Variants in KIAA1217 observed in about 807,000 individuals in gnomAD.
KIAA1217 encodes sickle tail protein homolog.
Under a neutral mutation model 163.9 loss-of-function variants are expected in KIAA1217, and 88 were observed. The observed-to-expected ratio is 0.54, with a 90% CI of 0.45 to 0.64. The LOEUF is 0.64. Ranked by LOEUF, KIAA1217 falls within the 30% of genes least tolerant of loss-of-function variation. The probability of loss-of-function intolerance (pLI) is 0.00; values close to 1 mark genes in which losing one functional copy is unlikely to be tolerated. For synonymous variants in KIAA1217, 903 were observed against 923.1 expected, an observed-to-expected ratio of 0.98 and a Z score of 0.39; for missense variants, 2,372 against 2,475.0, an observed-to-expected ratio of 0.96 and a Z score of 0.88.
intron 1 of KIAA1217, among the ~76,000 whole-genome samples, chr10:24,213,761 G>A (rs1442685170): frequency 6.6e-6 from 1 of 152,114 alleles, no homozygotes; most frequent in African/African-American, 2.4e-5. Context: ...TCTCTATTTT[G>A]TCTAAGATCT....
intron 2 of KIAA1217, among the ~76,000 whole-genome samples, chr10:24,361,906 C>T (rs948215659): frequency 1.2e-4 from 17 of 143,192 alleles, no homozygotes; most frequent in African/African-American, 3.9e-4. Context: ...ACCAGGGAGG[C>T]GGAGCTTGCA....
At chr10:23,702,718 G>A (rs1836551288) in intron 1 of KIAA1217, among the ~76,000 whole-genome samples, 2 of 146,432 alleles carry the variant, frequency 1.4e-5, no homozygotes, top group South Asian at 2.2e-4. Context: ...CAAATATATT[G>A]TATTTTGTTG....
chr10:24,197,472 G>T (rs1271203809), intron 2 of KIAA1217, among the ~76,000 whole-genome samples: 4 of 152,246 alleles, frequency 2.6e-5, no homozygotes, highest in African/African-American at 2.4e-5. Flanking sequence ...TTTGGAAATA[G>T]TTGGGTTGGG....
intron 1 of KIAA1217, among the ~76,000 whole-genome samples, chr10:23,783,504 G>T (rs1835353318): frequency 6.6e-6 from 1 of 152,134 alleles, no homozygotes; most frequent in South Asian, 2.1e-4. Context: ...ATTTATAAGA[G>T]ATATTGACTT....
chr10:24,099,217 G>C (rs576356087), intron 2 of KIAA1217, among the ~76,000 whole-genome samples: 1 of 150,760 alleles, frequency 6.6e-6, no homozygotes, highest in East Asian at 2.0e-4. Flanking sequence ...TAAGTTCTAG[G>C]GTACATGTGC....
chr10:24,318,975 G>A (rs1010256276), intron 2 of KIAA1217, among the ~76,000 whole-genome samples: 2 of 152,216 alleles, frequency 1.3e-5, no homozygotes, highest in Admixed American at 6.5e-5. Flanking sequence ...GGAGCTGCAG[G>A]TAGAGTGGCA....
chr10:24,067,721 T>C (rs896865800), intron 2 of KIAA1217, among the ~76,000 whole-genome samples: 35 of 152,224 alleles, frequency 2.3e-4, no homozygotes, highest in Non-Finnish European at 3.8e-4. Flanking sequence ...CTTTTGTTTG[T>C]CTGTGCCCTG....
intron 2 of KIAA1217, among the ~76,000 whole-genome samples, chr10:24,328,183 A>T (rs2133461082): frequency 6.6e-6 from 1 of 152,302 alleles, no homozygotes; most frequent in African/African-American, 2.4e-5. Context: ...AGCCAAGGAG[A>T]TGGGAGATCA....
At chr10:24,212,348 T>A (rs2068248355) in intron 1 of KIAA1217, among the ~76,000 whole-genome samples, 1 of 152,082 alleles carries the variant, frequency 6.6e-6, no homozygotes, top group African/African-American at 2.4e-5. Context: ...TTTTGATAGA[T>A]TAGGATTGAG....
intron 10 of KIAA1217, 74 bp from the exon 11 acceptor site, chr10:24,520,049 G>A (rs1187064156): frequency 4.7e-6 from 7 of 1,503,290 alleles, no homozygotes; most frequent in Non-Finnish European, 6.3e-6. Flanking sequence ...AGGCTGAGAC[G>A]GGCACTCGGC....
At position 24,045,821 on chromosome 10, in the gene KIAA1217, T is replaced by G. The variant is rs553642932; in HGVS notation, c.-171+38447T>G. 2.6e-4 allele frequency among the ~76,000 whole-genome samples: 40 copies of G among 152,286 alleles called. No homozygotes were observed. The South Asian group carries it at 8.3e-3, about 32-fold the overall frequency. ...CAGTGTGATACTGGTGTGTTTTTAT[T>G]CTGAACCAATGGTCTCAATTGAGCC... On this transcript the variant is annotated intron_variant, in intron 2 of 18. Coordinates refer to the KIAA1217 transcript ENST00000376462.
intron 2 of KIAA1217, among the ~76,000 whole-genome samples, chr10:24,298,824 AAAAT>A (rs1235878018): frequency 6.6e-6 from 1 of 152,090 alleles, no homozygotes; most frequent in Non-Finnish European, 1.5e-5. Flanking sequence ...TAAATAAAAT[AAAAT>A]AAATAGTAAG....
At chr10:24,501,260 T>A (rs2067545662) in intron 8 of KIAA1217, 119 bp from the exon 9 acceptor site, 1 of 824,820 alleles carries the variant, frequency 1.2e-6, no homozygotes, top group African/African-American at 1.7e-5. Flanking sequence ...ATATGCATAT[T>A]TTTTGTAATG....
At chr10:24,292,764 A>C (rs926294094) in intron 2 of KIAA1217, among the ~76,000 whole-genome samples, 5 of 152,108 alleles carry the variant, frequency 3.3e-5, no homozygotes, top group Non-Finnish European at 4.4e-5. Flanking sequence ...ATGAAGGTAA[A>C]CGCTTAGGAT....
At chr10:24,529,025 AC>A (rs2072685103) in intron 14 of KIAA1217, among the ~76,000 whole-genome samples, 1 of 152,092 alleles carries the variant, frequency 6.6e-6, no homozygotes, top group Non-Finnish European at 1.5e-5. Flanking sequence ...AAAATTATGG[AC>A]CCGGATGTTA....
At chr10:24,314,051 G>T (rs1158549291) in intron 2 of KIAA1217, among the ~76,000 whole-genome samples, 1 of 151,958 alleles carries the variant, frequency 6.6e-6, no homozygotes, top group East Asian at 1.9e-4. Context: ...TGTTGGTCAG[G>T]TTGGTCTTGA....
intron 1 of KIAA1217, among the ~76,000 whole-genome samples, chr10:23,874,943 G>A (rs1478745143): frequency 6.6e-6 from 1 of 152,028 alleles, no homozygotes; most frequent in African/African-American, 2.4e-5. Context: ...CTTCTGGTGA[G>A]GTCACAGGAA....
chr10:23,860,566 T>A (rs1262247176), intron 1 of KIAA1217, among the ~76,000 whole-genome samples: 1 of 152,242 alleles, frequency 6.6e-6, no homozygotes, highest in African/African-American at 2.4e-5. Context: ...GGAATTGTTA[T>A]TCTAACTCAT....
In KIAA1217 at chr10:24,358,584, C is replaced by G. The variant is rs559969911; in HGVS notation, c.355-22285C>G. ...CATAAATCTATTGCATCATTTTAGT[C>G]TTATATCAAAGTAGGAAGGGTGGAT... On this transcript the variant is annotated intron_variant, in intron 2 of 20. Transcript: ENST00000376454. Among the ~76,000 whole-genome samples, 15 of 152,188 alleles carry G rather than the reference C, an allele frequency of 9.9e-5. No homozygotes were observed. In the South Asian group the frequency reaches 3.1e-3, roughly 32 times the overall value.
Sources: gnomAD v4.1 joint callset for allele counts (sites outside exome capture counted in the v4.1 genomes callset) on GRCh38, gnomAD v4.1.1 for gene constraint, MANE v1.5 for transcripts, NCBI Gene and HGNC (gene_info 2026-07-23, HGNC 2026-07-21) for gene names.